GNAO1: variants seen among roughly 807,000 people sequenced by gnomAD.
GNAO1 encodes G protein subunit alpha o1, also known as guanine nucleotide-binding protein G(o) subunit alpha.
For missense variants in GNAO1, 166 were observed against 478.7 expected (o/e 0.35, Z 6.10); for synonymous variants, 164 against 180.7 (o/e 0.91, Z 0.74).
intron 2 of GNAO1, among the ~76,000 whole-genome samples, chr16:56,246,788 T>C (rs547656655): frequency 1.3e-5 from 2 of 152,296 alleles, no homozygotes; most frequent in South Asian, 4.2e-4. Context: ...CTGACAACCC[T>C]TTCCCAGAAT....
At chr16:56,208,340 AATTT>A (rs1226127312) in intron 2 of GNAO1, among the ~76,000 whole-genome samples, 1 of 151,914 alleles carries the variant, frequency 6.6e-6, no homozygotes, top group Non-Finnish European at 1.5e-5. Context: ...ACTATACTGT[AATTT>A]ATTTATCCAT....
In GNAO1 at chr16:56,357,035, A is replaced by T. The variant is rs1325007021; in HGVS notation, c.*961A>T. The T allele has an allele frequency of 4.6e-5, 7 of 151,320 alleles. No individual in the cohort carries two copies. Among genetic ancestry groups the T allele is most frequent in the South Asian group, 2.1e-4 (1 of 4,724 alleles). 9.4% of individuals were successfully genotyped at this position (151,320 alleles called of 1,614,324 possible). On this transcript the variant is annotated 3_prime_UTR_variant, in exon 9 of 9. Transcript: ENST00000262493. ...CTGCAGACAAAAAGAACAAAAAAAA[A>T]TTTTTAAATACCACAAGATGGAAAA...
At chr16:56,290,591 C>T (rs978150809) in intron 3 of GNAO1, among the ~76,000 whole-genome samples, 2 of 152,208 alleles carry the variant, frequency 1.3e-5, no homozygotes, top group Admixed American at 6.5e-5. Flanking sequence ...TTGCAGGCCT[C>T]AATTTTTTCA....
chr16:56,327,977 C>T (rs1362244260), intron 3 of GNAO1, among the ~76,000 whole-genome samples: 1 of 152,122 alleles, frequency 6.6e-6, no homozygotes, highest in African/African-American at 2.4e-5. Flanking sequence ...AGTCCAAGGG[C>T]CAAAGTTCTT....
intron 2 of GNAO1, among the ~76,000 whole-genome samples, chr16:56,235,811 G>C (rs1389993242): frequency 2.6e-5 from 4 of 152,186 alleles, no homozygotes; most frequent in African/African-American, 9.7e-5. Context: ...GCATGATTCT[G>C]GCAGGAGATA....
intron 2 of GNAO1, among the ~76,000 whole-genome samples, chr16:56,239,692 T>G (rs1370850894): frequency 1.3e-5 from 2 of 152,234 alleles, no homozygotes; most frequent in African/African-American, 4.8e-5. Context: ...TAAGAATTTC[T>G]GTATTCAGAG....
At chr16:56,286,980 G>T (rs569896962) in intron 3 of GNAO1, among the ~76,000 whole-genome samples, 1 of 152,196 alleles carries the variant, frequency 6.6e-6, no homozygotes, top group African/African-American at 2.4e-5. Flanking sequence ...GACTCATGTC[G>T]TAGGGTGGAG....
At chr16:56,268,967 G>A (rs1345871823) in intron 2 of GNAO1, among the ~76,000 whole-genome samples, 1 of 152,162 alleles carries the variant, frequency 6.6e-6, no homozygotes, top group Non-Finnish European at 1.5e-5. Flanking sequence ...CACTGGGGAG[G>A]CAGATGGCTT....
intron 2 of GNAO1, among the ~76,000 whole-genome samples, chr16:56,198,213 C>G (rs530149120): frequency 1.1e-4 from 16 of 152,358 alleles, no homozygotes; most frequent in African/African-American, 3.8e-4. Context: ...GCACTCACCT[C>G]ACTTTCTTAC....
intron 2 of GNAO1, among the ~76,000 whole-genome samples, chr16:56,274,144 T>C (rs2037041468): frequency 6.6e-6 from 1 of 152,216 alleles, no homozygotes; most frequent in African/African-American, 2.4e-5. Context: ...TGCACTGTGG[T>C]CTAGTAAACA....
intron 2 of GNAO1, among the ~76,000 whole-genome samples, chr16:56,245,933 G>A (rs1017429317): frequency 1.3e-5 from 2 of 152,092 alleles, no homozygotes; most frequent in Non-Finnish European, 2.9e-5. Flanking sequence ...GGGTGTGTAG[G>A]GGGGTAAGGG....
chr16:56,333,043 C>T (rs767228792), intron 4 of GNAO1, among the ~76,000 whole-genome samples: 6 of 152,186 alleles, frequency 3.9e-5, no homozygotes, highest in Admixed American at 6.5e-5. Flanking sequence ...ATCCCCACAC[C>T]GTTCCTGTCC....
At chr16:56,315,815 G>A (rs1308271719) in intron 3 of GNAO1, among the ~76,000 whole-genome samples, 4 of 152,032 alleles carry the variant, frequency 2.6e-5, no homozygotes, top group Admixed American at 6.5e-5. Flanking sequence ...AGGCCAAGGC[G>A]GGCAGATCAC....
chr16:56,228,455 A>G (rs948275985), intron 2 of GNAO1, among the ~76,000 whole-genome samples: 12 of 151,098 alleles, frequency 7.9e-5, no homozygotes, highest in Non-Finnish European at 1.5e-4. Context: ...ATATACATAT[A>G]TATTTATTTA....
chr16:56,198,503 T>C (rs1235550228), intron 2 of GNAO1, among the ~76,000 whole-genome samples: 6 of 152,328 alleles, frequency 3.9e-5, no homozygotes, highest in Non-Finnish European at 8.8e-5. Flanking sequence ...GAGCATAGAC[T>C]CTGCAAACAG....
intron 2 of GNAO1, among the ~76,000 whole-genome samples, chr16:56,209,882 T>C (rs2036370055): frequency 6.6e-6 from 1 of 152,120 alleles, no homozygotes; most frequent in South Asian, 2.1e-4. Context: ...TTGATGAACC[T>C]ATACTGGCGC....
chr16:56,210,879 T>C (rs1429652156), intron 2 of GNAO1, among the ~76,000 whole-genome samples: 3 of 152,248 alleles, frequency 2.0e-5, no homozygotes, highest in Non-Finnish European at 2.9e-5. Flanking sequence ...TCTCAGTCTC[T>C]GGTTAATTGC....
At chr16:56,222,262 C>G (rs2036496851) in intron 2 of GNAO1, among the ~76,000 whole-genome samples, 1 of 152,104 alleles carries the variant, frequency 6.6e-6, no homozygotes, top group African/African-American at 2.4e-5. Context: ...GTGTTCACAG[C>G]TCTGGAGGGC....
Position 56,191,967 on chromosome 16 carries a change from TG to T in GNAO1, c.-267del. On this transcript the variant is annotated 5_prime_UTR_variant, in exon 1 of 9. Coordinates refer to ENST00000262493, the MANE Select transcript of GNAO1 (RefSeq NM_020988.3). The surrounding 1 kb of genome is among the most constrained non-coding windows in gnomAD (Gnocchi z 4.7). ...CTCGGCCCGCGGGCGCCTCCTCCCT[TG>T]GCTCCGGAGCCCCAGACCCCGGCCA... 1 of 516,024 alleles carries T rather than the reference TG, an allele frequency of 1.9e-6. No individual in the cohort carries two copies. Among genetic ancestry groups the T allele is most frequent in the Non-Finnish European group, 3.4e-6 (1 of 291,712 alleles). The allele number at this position is 516,024 out of a possible 1,614,324, so 32.0% of individuals were successfully genotyped here.
Sources: allele counts gnomAD v4.1 joint callset (sites outside exome capture counted in the v4.1 genomes callset), GRCh38; gene constraint gnomAD v4.1.1; non-coding constraint Gnocchi (gnomAD v3.1); transcripts MANE v1.5; gene names NCBI Gene and HGNC (gene_info 2026-07-23, HGNC 2026-07-21).